The following FA2H variants were observed in gnomAD, a reference collection of about 807,000 sequenced individuals.
FA2H encodes fatty acid 2-hydroxylase.
A neutral mutation model predicts 44.9 loss-of-function variants in FA2H; 22 were observed. The ratio of observed to expected loss-of-function variants is 0.49; its 90% CI spans 0.35 to 0.70. The LOEUF (loss-of-function observed/expected upper bound fraction) is 0.70, where lower values mean the gene tolerates loss of function less well. Among genes scored for constraint, FA2H ranks in the 30% least tolerant of loss-of-function variants. The pLI is 0.01. For missense variants in FA2H, 501 were observed against 504.9 expected (o/e 0.99, Z 0.07); for synonymous variants, 243 against 213.2 (o/e 1.14, Z -1.22).
intron 1 of FA2H, among the ~76,000 whole-genome samples, chr16:74,763,537 C>T (rs535670573): frequency 3.3e-5 from 5 of 152,332 alleles, no homozygotes; most frequent in East Asian, 1.9e-4. Flanking sequence ...GGATTACAGG[C>T]GTGCGCCACC....
At chr16:74,717,324 C>T (rs1961729476) in intron 5 of FA2H, among the ~76,000 whole-genome samples, 1 of 152,122 alleles carries the variant, frequency 6.6e-6, no homozygotes, top group African/African-American at 2.4e-5. Flanking sequence ...GTGACAGTGA[C>T]ACAATGAGAT....
At chr16:74,746,262 C>CTT (rs1467108957) in intron 1 of FA2H, among the ~76,000 whole-genome samples, 4 of 151,368 alleles carry the variant, frequency 2.6e-5, no homozygotes, top group African/African-American at 9.7e-5. Context: ...TTTCTTTTCT[C>CTT]TTTTTCTTTT....
Position 74,774,544 on chromosome 16 carries a change from G to C in FA2H, c.212C>G (p.Ala71Gly). Residue 71 changes from alanine to glycine, a missense_variant, in exon 1 of 7, where the codon GCC becomes GGC. Coordinates refer to ENST00000219368, the MANE Select transcript of FA2H (RefSeq NM_024306.5). Reference protein sequence around the residue: ...DLDGPPHRHSANARRWLEQYY... With the variant: ...DLDGPPHRHSGNARRWLEQYY... ...CTGCTCCAGCCAGCGGCGCGCGTTGGCCGAGTGCCTGTGCGGCGGCCCGTC... is the reference window on the plus strand; with the variant it reads ...CTGCTCCAGCCAGCGGCGCGCGTTGCCCGAGTGCCTGTGCGGCGGCCCGTC... 1 of 1,546,852 alleles carries C rather than the reference G, an allele frequency of 6.5e-7. No homozygotes were observed. Among genetic ancestry groups the C allele is most frequent in the Admixed American group, 1.9e-5 (1 of 53,244 alleles).
chr16:74,769,609 G>A (rs1962868500), intron 1 of FA2H, among the ~76,000 whole-genome samples: 2 of 152,296 alleles, frequency 1.3e-5, no homozygotes, highest in African/African-American at 4.8e-5. Context: ...AAAAACCTGG[G>A]GTGGTGATTC....
At chr16:74,741,400 C>T (rs533002178) in intron 1 of FA2H, 3 of 152,324 alleles carry the variant, frequency 2.0e-5, no homozygotes, top group South Asian at 2.1e-4. Flanking sequence ...AAGTAAAAGT[C>T]GGCTTTTGTG....
At position 74,774,558 on chromosome 16, in the gene FA2H, C is replaced by G. The variant is rs570454174; in HGVS notation, c.198G>C (p.Pro66=). 46 of 1,542,418 alleles carry G rather than the reference C, an allele frequency of 3.0e-5. No individual in the cohort carries two copies. In the African/African-American group the frequency reaches 5.2e-4, roughly 17 times the overall value. The change falls in exon 1 of 7, where the codon CCG becomes CCC. Residue 66 remains proline, a synonymous_variant. Coordinates refer to ENST00000219368, the MANE Select transcript of FA2H (RefSeq NM_024306.5). ...QDISADLDGP[P]HRHSANARRW... The stretch of plus-strand genomic sequence containing the variant: ...GGCGCGCGTTGGCCGAGTGCCTGTG[C>G]GGCGGCCCGTCCAGGTCGGCGCTGA...
Position 74,737,979 on chromosome 16 carries a change from T to G in FA2H, c.363+2044A>C, listed in dbSNP as rs540364611. ...GGTGAACGAGGCAGCAGCAGCACCC[T>G]TTTTTGGAAAGTCAAAAGTGAAAAG... On this transcript the variant is annotated intron_variant, in intron 2 of 6. Transcript: ENST00000219368. 1.6e-4 allele frequency among the ~76,000 whole-genome samples: 24 copies of G among 152,298 alleles called. 1 individual carries two copies. The South Asian group carries it at 4.8e-3, about 30-fold the overall frequency.
intron 1 of FA2H, among the ~76,000 whole-genome samples, chr16:74,748,077 C>A (rs1168207254): frequency 6.6e-6 from 1 of 152,124 alleles, no homozygotes; most frequent in Non-Finnish European, 1.5e-5. Flanking sequence ...GCAGGCCACA[C>A]AGATGGCCCC....
chr16:74,714,365 AC>A, intron 6 of FA2H, 96 bp from the exon 7 acceptor site: 1 of 803,278 alleles, frequency 1.2e-6, no homozygotes, highest in Non-Finnish European at 2.1e-6. Context: ...AGAGGTGGAG[AC>A]AATGTCAATA....
chr16:74,741,285 G>A (rs1182107246), intron 1 of FA2H: 1 of 152,238 alleles, frequency 6.6e-6, no homozygotes, highest in Non-Finnish European at 1.5e-5. Context: ...GCGGCCAAGA[G>A]GCTACTGTCA....
chr16:74,772,636 T>C (rs1167016324), intron 1 of FA2H, among the ~76,000 whole-genome samples: 1 of 152,180 alleles, frequency 6.6e-6, no homozygotes, highest in Admixed American at 6.5e-5. Context: ...CTAAGAGTAG[T>C]TGCTGGGCTC....
chr16:74,738,500 C>T (rs1359971347), intron 2 of FA2H, among the ~76,000 whole-genome samples: 2 of 152,166 alleles, frequency 1.3e-5, no homozygotes, highest in Admixed American at 1.3e-4. Context: ...CAGCCTCAGA[C>T]CCCAGCTCCT....
rs58198369 is a variant in FA2H at position 74,759,796 on chromosome 16, T to G, written c.270+14690A>C. Among the ~76,000 whole-genome samples, 999 of 152,278 alleles carry G rather than the reference T, an allele frequency of 6.6e-3. 13 individuals carry two copies. Among genetic ancestry groups the G allele is most frequent in the African/African-American group, 0.023 (965 of 41,550 alleles). ...AGGGCCTCGCCTGCCCTATTTCACC[T>G]GGACAGGACTTGCATCTTGGACAGG... On this transcript the variant is annotated intron_variant, in intron 1 of 6. Transcript: ENST00000219368.
intron 4 of FA2H, 52 bp downstream of exon 4, chr16:74,726,173 G>T: frequency 1.6e-6 from 2 of 1,259,466 alleles, no homozygotes; most frequent in Non-Finnish European, 2.3e-6. Context: ...AAGCACTGAG[G>T]TCTCCTCCCT....
rs187920520 is a variant in FA2H at position 74,753,453 on chromosome 16, G to A, written c.271-13338C>T. On this transcript the variant is annotated intron_variant, in intron 1 of 6. Coordinates refer to ENST00000219368, the MANE Select transcript of FA2H (RefSeq NM_024306.5). ...TCCCAGCACTTTGGGAGTCCGAGGC[G>A]GATGGATCATGAGGTCAGGAGTTTA... Among the ~76,000 whole-genome samples, 523 of 152,260 alleles carry A rather than the reference G, an allele frequency of 3.4e-3. 3 individuals are homozygous for A. The highest frequency in any genetic ancestry group is 0.012 in the African/African-American group (499 of 41,550).
chr16:74,746,513 T>C (rs1962428317), intron 1 of FA2H, among the ~76,000 whole-genome samples: 2 of 152,034 alleles, frequency 1.3e-5, no homozygotes, highest in African/African-American at 4.8e-5. Context: ...CATAAGCCAC[T>C]GCGCCTGGCC....
intron 4 of FA2H, among the ~76,000 whole-genome samples, chr16:74,722,222 T>C (rs1349754858): frequency 1.3e-5 from 2 of 151,342 alleles, no homozygotes; most frequent in Non-Finnish European, 3.0e-5. Flanking sequence ...ACTCAGCCCC[T>C]TCATCATCAA....
chr16:74,715,801 TTC>T lies in FA2H; in HGVS notation c.1039+544_1039+545del, dbSNP rs1374174268. ...TGATATTCCATCACCTTGCTTTACT[TTC>T]TTCTTCTTCTTCTTTTTTTTTTTTT... On this transcript the variant is annotated intron_variant, in intron 6 of 6. Transcript: ENST00000219368. 6.9e-4 allele frequency among the ~76,000 whole-genome samples: 97 copies of T among 141,268 alleles called. 2 individuals carry two copies. The highest frequency in any genetic ancestry group is 2.4e-3 in the African/African-American group (89 of 36,636). The allele number at this position is 141,268 out of a possible 152,430, so 92.7% of individuals were successfully genotyped here. A position where few individuals can be genotyped will look rare whatever the true frequency, so the allele number is the denominator to read the frequency against.
rs776947570 is a variant in FA2H at position 74,745,345 on chromosome 16, A to G, written c.271-5230T>C. On this transcript the variant is annotated intron_variant, in intron 1 of 6. Coordinates refer to ENST00000219368, the MANE Select transcript of FA2H (RefSeq NM_024306.5). ...CCCCAGCACAGGCTTGGCCCTGCCAATACTTGCTGAGTGATCCATTAGCGA... is the reference window on the plus strand; with the variant it reads ...CCCCAGCACAGGCTTGGCCCTGCCAGTACTTGCTGAGTGATCCATTAGCGA... Among the ~76,000 whole-genome samples, 34 of 152,226 alleles carry G rather than the reference A, an allele frequency of 2.2e-4. 1 individual carries two copies. The highest frequency in any genetic ancestry group is 4.4e-4 in the Non-Finnish European group (30 of 68,042).
Sources: allele counts gnomAD v4.1 joint callset (sites outside exome capture counted in the v4.1 genomes callset), GRCh38; gene constraint gnomAD v4.1.1; transcripts MANE v1.5; gene names NCBI Gene and HGNC (gene_info 2026-07-23, HGNC 2026-07-21).